NUP188: variants seen among roughly 807,000 people sequenced by gnomAD.
NUP188 encodes the protein nucleoporin NUP188.
In NUP188, 97 loss-of-function variants were observed where a neutral mutation model predicts 223.0. That is an observed-to-expected ratio of 0.43 (90% CI 0.37 to 0.51). The LOEUF (loss-of-function observed/expected upper bound fraction) is 0.51, where lower values mean the gene tolerates loss of function less well. Ranked by LOEUF, NUP188 falls within the 20% of genes least tolerant of loss-of-function variation. The probability of loss-of-function intolerance (pLI) is 0.00; values close to 1 mark genes in which losing one functional copy is unlikely to be tolerated. For missense variants in NUP188, 1,947 were observed against 2,175.6 expected (o/e 0.89, Z 2.09); for synonymous variants, 869 against 828.0 (o/e 1.05, Z -0.85).
intron 15 of NUP188, 108 bp from the exon 16 acceptor site, chr9:128,982,441 G>T: frequency 9.7e-7 from 1 of 1,027,456 alleles, no homozygotes. Context: ...AAAAAAAAAT[G>T]TCTGTGAGTT....
At chr9:128,971,964 G>T (rs1316231691) in intron 11 of NUP188, among the ~76,000 whole-genome samples, 1 of 151,848 alleles carries the variant, frequency 6.6e-6, no homozygotes, top group Non-Finnish European at 1.5e-5. Context: ...TAGGGATGGG[G>T]TTTCACCATG....
At chr9:128,978,881 T>C (rs1472207733) in intron 12 of NUP188, among the ~76,000 whole-genome samples, 3 of 152,024 alleles carry the variant, frequency 2.0e-5, no homozygotes, top group Non-Finnish European at 4.4e-5. Context: ...TGGCTAACTT[T>C]CGTATTTTTA....
intron 36 of NUP188, among the ~76,000 whole-genome samples, chr9:129,002,500 G>C (rs1842689044): frequency 6.6e-6 from 1 of 152,224 alleles, no homozygotes. Flanking sequence ...GAGTCGTGAA[G>C]TATTTGGTCA....
intron 8 of NUP188, among the ~76,000 whole-genome samples, chr9:128,967,426 G>C (rs1842045678): frequency 6.6e-6 from 1 of 152,104 alleles, no homozygotes; most frequent in Admixed American, 6.6e-5. Context: ...AGGTGAAGGT[G>C]GGAAGATTGG....
chr9:128,998,502 C>T, intron 31 of NUP188, 36 bp from the exon 32 acceptor site: 2 of 1,574,926 alleles, frequency 1.3e-6, no homozygotes, highest in Non-Finnish European at 1.7e-6. Context: ...GCGAATCTTT[C>T]CACTGACTTC....
In NUP188 at chr9:128,989,873, C is replaced by T. The variant is rs1464255524; in HGVS notation, c.2534-247C>T. Among the ~76,000 whole-genome samples the T allele has an allele frequency of 2.6e-5, 4 of 152,228 alleles. No homozygotes were observed. In the East Asian group the frequency reaches 7.7e-4, roughly 29 times the overall value. ...TAAATAAAAATTAATAAAATAAGCA[C>T]CTATTTTATTCAAAATGTATCTTTG... On this transcript the variant is annotated intron_variant, in intron 24 of 43. Transcript: ENST00000372577.
chr9:128,959,076 A>G lies in NUP188; in HGVS notation c.527A>G (p.Gln176Arg). ...GAACTAGTTTCAAAATACAGACAGC[A>G]GTTCGAAGAGCTTTATAAAACTGAA... ...EKELVSKYRQ[Q>R]FEELYKTEAP... is the part of the protein sequence containing the mutation. The change falls in exon 8 of 44, where the codon CAG (glutamine) becomes CGG (arginine). Residue 176 changes from glutamine to arginine, a missense_variant. Coordinates refer to ENST00000372577, the MANE Select transcript of NUP188 (RefSeq NM_015354.3). 6.2e-7 allele frequency: 1 copy of G among 1,603,852 alleles called. No individual in the cohort carries two copies. Among genetic ancestry groups the G allele is most frequent in the Non-Finnish European group, 8.5e-7 (1 of 1,174,030 alleles).
At chr9:128,992,042 G>A (rs1224350514) in intron 25 of NUP188, among the ~76,000 whole-genome samples, 1 of 151,164 alleles carries the variant, frequency 6.6e-6, no homozygotes, top group Non-Finnish European at 1.5e-5. Context: ...GAGTAGCTGG[G>A]ACTACAGGCG....
At chr9:128,953,479 T>C (rs1841824609) in intron 3 of NUP188, among the ~76,000 whole-genome samples, 1 of 152,208 alleles carries the variant, frequency 6.6e-6, no homozygotes, top group African/African-American at 2.4e-5. Flanking sequence ...TCCCTTCTAC[T>C]TTTGTACTGC....
intron 40 of NUP188, 26 bp downstream of exon 40, chr9:129,005,556 C>T (rs2131202761): frequency 5.0e-6 from 8 of 1,610,244 alleles, no homozygotes; most frequent in Non-Finnish European, 6.8e-6. Flanking sequence ...TGTTCAGCAC[C>T]ACCTCCCCTA....
chr9:128,996,722 A>T (rs947989939), intron 30 of NUP188, among the ~76,000 whole-genome samples: 2 of 152,130 alleles, frequency 1.3e-5, no homozygotes, highest in Non-Finnish European at 2.9e-5. Flanking sequence ...TTTAGGCCCT[A>T]GTTAGGCAGC....
chr9:128,949,254 G>A lies in NUP188; in HGVS notation c.87+11G>A, dbSNP rs570376059. ...GCTCTGAGAGAGCTGGTAAGTGGTG[G>A]TGTTCTTGAGTGGGTTCTCTGGGTT... On this transcript the variant is annotated intron_variant, in intron 2 of 43. Transcript: ENST00000372577. 5 of 1,603,808 alleles carry A rather than the reference G, an allele frequency of 3.1e-6. No homozygotes were observed. The Admixed American group carries it at 5.0e-5, about 16-fold the overall frequency.
At chr9:129,000,192 A>G (rs1213364013) in intron 34 of NUP188, among the ~76,000 whole-genome samples, 3 of 152,114 alleles carry the variant, frequency 2.0e-5, no homozygotes, top group African/African-American at 7.2e-5. Flanking sequence ...CCAGGCCTCA[A>G]GCCATCCTCC....
Position 128,994,590 on chromosome 9 carries a change from C to T in NUP188, c.3087+148C>T, listed in dbSNP as rs17485597. On this transcript the variant is annotated intron_variant, in intron 28 of 43. Transcript: ENST00000372577. ...TAGAAACGTCTTTCTCAGGGAAGTGCCAGCTTTCTGTCCCTTTGATGTCTT... is the reference window on the plus strand; with the variant it reads ...TAGAAACGTCTTTCTCAGGGAAGTGTCAGCTTTCTGTCCCTTTGATGTCTT... 9.5e-4 allele frequency: 687 copies of T among 724,300 alleles called. 2 individuals are homozygous for T. In the African/African-American group the frequency reaches 0.011, roughly 11 times the overall value. The allele number at this position is 724,300 out of a possible 1,614,324, so 44.9% of individuals were successfully genotyped here. A position where few individuals can be genotyped will look rare whatever the true frequency, so the allele number is the denominator to read the frequency against.
intron 11 of NUP188, 52 bp from the exon 12 acceptor site, chr9:128,973,108 G>A: frequency 2.6e-6 from 3 of 1,152,062 alleles, no homozygotes; most frequent in Non-Finnish European, 3.9e-6. Flanking sequence ...TGCCGAACCT[G>A]GGGAAGAGTT....
intron 3 of NUP188, among the ~76,000 whole-genome samples, chr9:128,954,675 C>T (rs1033645171): frequency 1.3e-5 from 2 of 151,918 alleles, no homozygotes; most frequent in South Asian, 2.1e-4. Flanking sequence ...TGAGCCACCG[C>T]GGCCGGTGAC....
intron 34 of NUP188, among the ~76,000 whole-genome samples, chr9:129,000,277 A>G (rs1037893462): frequency 1.3e-5 from 2 of 152,028 alleles, no homozygotes; most frequent in African/African-American, 2.4e-5. Flanking sequence ...ATTGAATAGT[A>G]TTTTTCAAAT....
At chr9:128,949,014 C>T (rs944972344) in intron 1 of NUP188, 175 bp from the exon 2 acceptor site, 2 of 508,992 alleles carry the variant, frequency 3.9e-6, no homozygotes, top group Non-Finnish European at 7.1e-6. Flanking sequence ...CATGAGCCAC[C>T]GTGCCCGGCC....
chr9:129,006,154 G>T (rs755643649), intron 42 of NUP188, 31 bp downstream of exon 42: 1 of 1,614,116 alleles, frequency 6.2e-7, no homozygotes, highest in Admixed American at 1.7e-5. Context: ...TTGATAAGGG[G>T]CTGGGGCAGT....
Sources: allele counts gnomAD v4.1 joint callset (sites outside exome capture counted in the v4.1 genomes callset), GRCh38; gene constraint gnomAD v4.1.1; transcripts MANE v1.5; gene names NCBI Gene and HGNC (gene_info 2026-07-23, HGNC 2026-07-21).